TMC1: variants seen among roughly 807,000 people sequenced by gnomAD.
TMC1 encodes the protein transmembrane channel like 1.
TMC1 carries 84 observed loss-of-function variants against 105.8 expected under a neutral mutation model. That is an observed-to-expected ratio of 0.79 (90% CI 0.67 to 0.95). TMC1 has a LOEUF of 0.95. TMC1 is among the 40% of genes least tolerant of loss of function. The pLI is 0.00. For synonymous variants in TMC1, 315 were observed against 311.5 expected (o/e 1.01, Z -0.12); for missense variants, 817 against 914.1 (o/e 0.89, Z 1.37).
chr9:72,830,738 C>CTTTTTTTT (rs71495342), intron 23 of TMC1, 56 bp downstream of exon 23: 14 of 1,148,116 alleles, frequency 1.2e-5, no homozygotes, highest in South Asian at 2.9e-5. Flanking sequence ...CTTTTTCTTT[C>CTTTTTTTT]TTTTTTTTTT....
At chr9:72,561,339 AAGAG>A (rs1430858243) in intron 1 of TMC1, among the ~76,000 whole-genome samples, 6 of 150,094 alleles carry the variant, frequency 4.0e-5, no homozygotes, top group Non-Finnish European at 7.4e-5. Context: ...AAAAAAAAAA[AAGAG>A]AGAGAGAAAA....
intron 5 of TMC1, among the ~76,000 whole-genome samples, chr9:72,682,567 A>G (rs781620639): frequency 3.3e-5 from 5 of 152,246 alleles, no homozygotes; most frequent in African/African-American, 1.2e-4. Context: ...TAGCAAAGAT[A>G]AAGGGAGCTG....
intron 5 of TMC1, among the ~76,000 whole-genome samples, chr9:72,683,736 T>TATAC (rs1826329728): frequency 1.7e-5 from 1 of 58,994 alleles, no homozygotes; most frequent in Non-Finnish European, 3.3e-5. Flanking sequence ...ACACATTTTA[T>TATAC]ATATATATAT....
At chr9:72,600,530 T>G (rs992315808) in intron 2 of TMC1, among the ~76,000 whole-genome samples, 2 of 152,274 alleles carry the variant, frequency 1.3e-5, no homozygotes, top group East Asian at 3.9e-4. Context: ...ATAGATCTCT[T>G]GGAATATGGT....
At chr9:72,679,502 CAT>C (rs955620995) in intron 5 of TMC1, among the ~76,000 whole-genome samples, 1 of 152,024 alleles carries the variant, frequency 6.6e-6, no homozygotes, top group African/African-American at 2.4e-5. Flanking sequence ...AACAAAATAT[CAT>C]AGACTAGGCA....
intron 12 of TMC1, among the ~76,000 whole-genome samples, chr9:72,772,108 G>A (rs972832931): frequency 3.9e-5 from 6 of 152,100 alleles, no homozygotes; most frequent in African/African-American, 1.4e-4. Flanking sequence ...ATGATACCAC[G>A]AAATGTGTTT....
chr9:72,830,085 T>G (rs1002283038), intron 21 of TMC1, among the ~76,000 whole-genome samples: 1 of 152,240 alleles, frequency 6.6e-6, no homozygotes, highest in African/African-American at 2.4e-5. Context: ...TTTTCCATTC[T>G]CTGGGATGCC....
intron 4 of TMC1, among the ~76,000 whole-genome samples, chr9:72,644,438 G>A (rs570368301): frequency 1.3e-5 from 2 of 152,020 alleles, no homozygotes; most frequent in South Asian, 4.1e-4. Flanking sequence ...TTTTGTATAT[G>A]GTATAAGATG....
intron 13 of TMC1, among the ~76,000 whole-genome samples, chr9:72,779,185 C>T (rs1025431086): frequency 1.3e-5 from 2 of 152,334 alleles, no homozygotes; most frequent in African/African-American, 2.4e-5. Flanking sequence ...TGAGCTGAGC[C>T]CAGGTCCCCT....
intron 1 of TMC1, among the ~76,000 whole-genome samples, chr9:72,570,739 A>G: frequency 9.1e-6 from 1 of 109,498 alleles, no homozygotes; most frequent in Non-Finnish European, 1.6e-5. Flanking sequence ...CCCAGGCTGG[A>G]GTGCAGTGGT....
In TMC1 at chr9:72,766,245, G is replaced by A. The variant is rs575233840; in HGVS notation, c.742-6168G>A. On this transcript the variant is annotated intron_variant, in intron 12 of 23. Transcript: ENST00000297784. ...ATCCTGGCTAACATGGTGAAACCCC[G>A]TCTCTACTAAAAATACAAAAAATTA... Among the ~76,000 whole-genome samples the A allele has an allele frequency of 1.2e-4, 18 of 151,444 alleles. No homozygotes were observed. The East Asian group carries it at 2.2e-3, about 18-fold the overall frequency.
At chr9:72,658,546 A>G (rs1825919792) in intron 5 of TMC1, among the ~76,000 whole-genome samples, 1 of 152,200 alleles carries the variant, frequency 6.6e-6, no homozygotes, top group Non-Finnish European at 1.5e-5. Flanking sequence ...TCTCTATCCT[A>G]GACAACTTTT....
chr9:72,698,436 G>A (rs1487609365), intron 7 of TMC1, among the ~76,000 whole-genome samples: 1 of 152,124 alleles, frequency 6.6e-6, no homozygotes, highest in Non-Finnish European at 1.5e-5. Flanking sequence ...ACTTTAAAAA[G>A]CAGCTTTTGC....
At chr9:72,541,624 G>A (rs1377100385) in intron 1 of TMC1, among the ~76,000 whole-genome samples, 5 of 151,380 alleles carry the variant, frequency 3.3e-5, no homozygotes, top group Non-Finnish European at 5.9e-5. Flanking sequence ...GGAGGTGGAG[G>A]TTGCAGTGAG....
intron 8 of TMC1, among the ~76,000 whole-genome samples, chr9:72,716,120 C>T (rs1272837400): frequency 3.9e-5 from 6 of 152,232 alleles, no homozygotes; most frequent in South Asian, 4.1e-4. Context: ...GCTACCTGTT[C>T]CTTCCTCTGA....
intron 2 of TMC1, among the ~76,000 whole-genome samples, chr9:72,583,208 T>C (rs1824500863): frequency 6.6e-6 from 1 of 151,908 alleles, no homozygotes; most frequent in Non-Finnish European, 1.5e-5. Flanking sequence ...GGTGACAGAG[T>C]GAGACTTCAT....
At chr9:72,834,430 T>TG (rs942940313) in intron 23 of TMC1, among the ~76,000 whole-genome samples, 6 of 152,148 alleles carry the variant, frequency 3.9e-5, no homozygotes, top group Non-Finnish European at 1.5e-5. Context: ...AGCACATGGA[T>TG]GGGGCTTGTG....
chr9:72,697,431 TACAA>T (rs1377189676), intron 7 of TMC1, among the ~76,000 whole-genome samples: 1 of 152,094 alleles, frequency 6.6e-6, no homozygotes, highest in Non-Finnish European at 1.5e-5. Context: ...CCCAGAGAAA[TACAA>T]ACAAAGTAGC....
At chr9:72,689,565 A>T (rs1443780812) in intron 6 of TMC1, among the ~76,000 whole-genome samples, 4 of 152,014 alleles carry the variant, frequency 2.6e-5, no homozygotes, top group African/African-American at 4.8e-5. Context: ...TACTATAATT[A>T]TATTGCTGTA....
Sources: gnomAD v4.1 joint callset for allele counts (sites outside exome capture counted in the v4.1 genomes callset) on GRCh38, gnomAD v4.1.1 for gene constraint, MANE v1.5 for transcripts, NCBI Gene and HGNC (gene_info 2026-07-23, HGNC 2026-07-21) for gene names.